Variants in SPECC1 observed in about 807,000 individuals in gnomAD.
The protein encoded by SPECC1 is sperm antigen with calponin homology and coiled-coil domains 1, also known as cytospin-B.
A neutral mutation model predicts 104.1 loss-of-function variants in SPECC1; 62 were observed. The ratio of observed to expected loss-of-function variants is 0.60; its 90% confidence interval spans 0.49 to 0.74. The LOEUF (loss-of-function observed/expected upper bound fraction) is 0.74. Ranked by LOEUF, SPECC1 falls within the 30% of genes least tolerant of loss-of-function variation. The pLI is 0.00. For missense variants in SPECC1, 1,306 were observed against 1,310.5 expected (o/e 1.00, Z 0.05); for synonymous variants, 513 against 501.6 (o/e 1.02, Z -0.30).
chr17:20,156,208 C>A, intron 3 of SPECC1: 2 of 1,430,616 alleles, frequency 1.4e-6, no homozygotes, highest in South Asian at 1.5e-5. Context: ...TGGGCAACCA[C>A]TCAGGACGGC....
chr17:20,288,895 C>T (rs1201157209), intron 12 of SPECC1, among the ~76,000 whole-genome samples: 1 of 150,980 alleles, frequency 6.6e-6, no homozygotes, highest in Non-Finnish European at 1.5e-5. Flanking sequence ...AGTGATTCTC[C>T]TGCCTCAGCC....
intron 3 of SPECC1, among the ~76,000 whole-genome samples, chr17:20,161,901 TC>T (rs1485651439): frequency 6.6e-6 from 1 of 151,792 alleles, no homozygotes; most frequent in Non-Finnish European, 1.5e-5. Context: ...TTCAAGAGAT[TC>T]TCCTGCCTCA....
At chr17:20,260,392 T>C in intron 12 of SPECC1, 98 bp downstream of exon 12, 3 of 934,488 alleles carry the variant, frequency 3.2e-6, no homozygotes, top group Non-Finnish European at 4.9e-6. Context: ...TGGGCCAATA[T>C]GCATGTAATT....
chr17:20,094,473 G>T (rs981784004), intron 1 of SPECC1, among the ~76,000 whole-genome samples: 1 of 152,108 alleles, frequency 6.6e-6, no homozygotes, highest in Non-Finnish European at 1.5e-5. Context: ...TGAAATGTTG[G>T]GGAAAAGGTT....
intron 3 of SPECC1, among the ~76,000 whole-genome samples, chr17:20,133,223 AT>A (rs542601395): frequency 5.7e-4 from 83 of 145,754 alleles, no homozygotes; most frequent in African/African-American, 1.2e-3. Context: ...GTTTTTCTCT[AT>A]TTTTTTTTCC....
At chr17:20,023,254 C>G (rs148017462) in intron 1 of SPECC1, among the ~76,000 whole-genome samples, 2 of 152,312 alleles carry the variant, frequency 1.3e-5, no homozygotes, top group East Asian at 3.9e-4. Flanking sequence ...GGGCTGCAGA[C>G]TGTAGTTTCT....
chr17:20,165,600 A>G (rs1203502863), intron 3 of SPECC1, among the ~76,000 whole-genome samples: 1 of 152,170 alleles, frequency 6.6e-6, no homozygotes, highest in Non-Finnish European at 1.5e-5. Flanking sequence ...GTCAAATGGC[A>G]TTTCTGGTTC....
At chr17:20,101,802 T>G (rs1177999256) in intron 2 of SPECC1, among the ~76,000 whole-genome samples, 1 of 152,220 alleles carries the variant, frequency 6.6e-6, no homozygotes, top group Non-Finnish European at 1.5e-5. Flanking sequence ...TTCCTGTGAC[T>G]CTGATGTCTG....
Position 20,131,301 on chromosome 17 carries a change from C to T in SPECC1, c.283+20739C>T, listed in dbSNP as rs185208412. On this transcript the variant is annotated intron_variant, in intron 3 of 14. Coordinates refer to ENST00000395527, the MANE Select transcript of SPECC1 (RefSeq NM_001243439.2). ...CTGCCTCCCAGATTCAAGTGATTCTCCTGCCTTAGCCTCCTGAGTAGGTGG... is the reference window on the plus strand; with the variant it reads ...CTGCCTCCCAGATTCAAGTGATTCTTCTGCCTTAGCCTCCTGAGTAGGTGG... Among the ~76,000 whole-genome samples, 1,174 of 152,006 alleles carry T rather than the reference C, an allele frequency of 7.7e-3. 18 individuals carry two copies. The highest frequency in any genetic ancestry group is 0.027 in the African/African-American group (1,119 of 41,466).
At chr17:20,297,228 C>G in intron 13 of SPECC1, 151 bp downstream of exon 13, 3 of 601,714 alleles carry the variant, frequency 5.0e-6, no homozygotes, top group Non-Finnish European at 8.7e-6. Context: ...TTGACTGCAC[C>G]GTGGAATCCC....
chr17:20,265,123 A>G (rs1338708662), intron 12 of SPECC1, among the ~76,000 whole-genome samples: 1 of 152,188 alleles, frequency 6.6e-6, no homozygotes, highest in Non-Finnish European at 1.5e-5. Context: ...TTCTTTGGGT[A>G]TATACCTAGT....
At chr17:20,158,372 A>G (rs1017177379) in intron 3 of SPECC1, among the ~76,000 whole-genome samples, 3 of 152,218 alleles carry the variant, frequency 2.0e-5, no homozygotes, top group South Asian at 2.1e-4. Flanking sequence ...AAGACAGACA[A>G]TAGGGATAGG....
At chr17:20,305,768 A>T (rs563387437) in intron 13 of SPECC1, 1 of 408,990 alleles carries the variant, frequency 2.4e-6, no homozygotes, top group Non-Finnish European at 4.4e-6. Flanking sequence ...CAAAGTATGA[A>T]TTACCTAAAT....
At chr17:20,032,475 T>C (rs2044856856) in intron 1 of SPECC1, among the ~76,000 whole-genome samples, 1 of 152,176 alleles carries the variant, frequency 6.6e-6, no homozygotes. Flanking sequence ...CTTTTTATTT[T>C]TCATTTGAAT....
chr17:20,130,987 G>A (rs1176491321), intron 3 of SPECC1, among the ~76,000 whole-genome samples: 8 of 152,286 alleles, frequency 5.3e-5, no homozygotes, highest in Non-Finnish European at 1.2e-4. Context: ...TTGAGGAATT[G>A]TAAATGATAC....
At chr17:20,264,211 G>A (rs184073616) in intron 12 of SPECC1, among the ~76,000 whole-genome samples, 60 of 152,158 alleles carry the variant, frequency 3.9e-4, no homozygotes, top group African/African-American at 1.4e-3. Flanking sequence ...GAAAGGTTAT[G>A]TTACATCCCT....
At chr17:20,131,899 G>C (rs367856560) in intron 3 of SPECC1, among the ~76,000 whole-genome samples, 1 of 151,948 alleles carries the variant, frequency 6.6e-6, no homozygotes, top group South Asian at 2.1e-4. Flanking sequence ...ATCCCCGCCC[G>C]CCTTGGCCTC....
intron 12 of SPECC1, among the ~76,000 whole-genome samples, chr17:20,287,460 A>G (rs897003919): frequency 1.2e-4 from 18 of 145,100 alleles, no homozygotes; most frequent in Admixed American, 1.1e-3. Context: ...AAAAAATGAC[A>G]TGGCTTTGAA....
chr17:20,203,977 CCACACCTA>C (rs1398605289), intron 3 of SPECC1, among the ~76,000 whole-genome samples: 1 of 152,194 alleles, frequency 6.6e-6, no homozygotes, highest in Non-Finnish European at 1.5e-5. Flanking sequence ...CCAGCCATTC[CCACACCTA>C]CACATTTTCT....
Sources: allele counts gnomAD v4.1 joint callset (sites outside exome capture counted in the v4.1 genomes callset), GRCh38; gene constraint gnomAD v4.1.1; transcripts MANE v1.5; gene names NCBI Gene and HGNC (gene_info 2026-07-23, HGNC 2026-07-21).